The following GRIK2 variants were observed in gnomAD, a reference collection of about 807,000 sequenced individuals.
GRIK2 encodes the protein glutamate ionotropic receptor kainate type subunit 2.
A neutral mutation model predicts 100.3 loss-of-function variants in GRIK2; 32 were observed. The observed-to-expected ratio is 0.32, with a 90% CI of 0.24 to 0.43. GRIK2 has a LOEUF of 0.43. Among genes scored for constraint, GRIK2 ranks in the 20% least tolerant of loss-of-function variants. The pLI is 1.00. For synonymous variants in GRIK2, 417 were observed against 389.4 expected, an observed-to-expected ratio of 1.07 and a Z score of -0.83; for missense variants, 843 against 1,114.9, an observed-to-expected ratio of 0.76 and a Z score of 3.47.
chr6:102,067,895 G>A (rs1772096288), intron 16 of GRIK2, among the ~76,000 whole-genome samples: 1 of 151,784 alleles, frequency 6.6e-6, no homozygotes, highest in South Asian at 2.1e-4. Context: ...GTACAATGAA[G>A]AATCAATGTT....
chr6:101,447,067 A>G (rs916817765), intron 2 of GRIK2, among the ~76,000 whole-genome samples: 2 of 149,154 alleles, frequency 1.3e-5, no homozygotes, highest in African/African-American at 4.9e-5. Context: ...GTATATATAT[A>G]TTACAGTAGC....
intron 2 of GRIK2, among the ~76,000 whole-genome samples, chr6:101,612,378 C>T (rs964892875): frequency 1.7e-4 from 26 of 151,684 alleles, no homozygotes; most frequent in Admixed American, 1.2e-3. Context: ...AGACAGAAAA[C>T]GTGAGTCAAA....
chr6:101,969,654 G>A (rs1184582811), intron 14 of GRIK2, among the ~76,000 whole-genome samples: 1 of 151,954 alleles, frequency 6.6e-6, no homozygotes. Flanking sequence ...TGTCTTCATA[G>A]GATATACTTT....
intron 14 of GRIK2, among the ~76,000 whole-genome samples, chr6:102,011,081 G>C (rs1257316438): frequency 6.6e-6 from 1 of 152,108 alleles, no homozygotes; most frequent in Non-Finnish European, 1.5e-5. Context: ...TATATGAGAA[G>C]AGTAAGTTTG....
At chr6:101,558,669 C>CTTTTTTTTTTTTTT in intron 2 of GRIK2, among the ~76,000 whole-genome samples, 1 of 143,398 alleles carries the variant, frequency 7.0e-6, no homozygotes, top group Non-Finnish European at 1.5e-5. Context: ...CCCTTTGCTT[C>CTTTTTTTTTTTTTT]TTTTTTTTTT....
intron 14 of GRIK2, among the ~76,000 whole-genome samples, chr6:101,950,587 A>T (rs1791549215): frequency 6.6e-6 from 1 of 152,148 alleles, no homozygotes; most frequent in South Asian, 2.1e-4. Flanking sequence ...CCACATTTTC[A>T]TGACAAATGA....
At chr6:102,014,639 G>T (rs1795736070) in intron 14 of GRIK2, among the ~76,000 whole-genome samples, 1 of 151,956 alleles carries the variant, frequency 6.6e-6, no homozygotes, top group Non-Finnish European at 1.5e-5. Context: ...TTATATCTTT[G>T]TTCTCATTCA....
At chr6:101,777,583 G>A (rs1778827136) in intron 7 of GRIK2, among the ~76,000 whole-genome samples, 1 of 152,106 alleles carries the variant, frequency 6.6e-6, no homozygotes, top group Admixed American at 6.6e-5. Flanking sequence ...GAGGAAACAA[G>A]GCAATAGGGA....
At chr6:101,407,635 G>T (rs1177422872) in intron 2 of GRIK2, among the ~76,000 whole-genome samples, 1 of 151,236 alleles carries the variant, frequency 6.6e-6, no homozygotes, top group Non-Finnish European at 1.5e-5. Context: ...TCAGCCTCTT[G>T]CATACCTGCT....
intron 14 of GRIK2, among the ~76,000 whole-genome samples, chr6:101,975,801 ATC>A (rs71547439): frequency 9.9e-6 from 1 of 101,046 alleles, no homozygotes; most frequent in African/African-American, 3.7e-5. Flanking sequence ...CTGTCTATCT[ATC>A]TATCTGTCTA....
At chr6:101,986,396 T>C (rs914603543) in intron 14 of GRIK2, among the ~76,000 whole-genome samples, 2 of 151,890 alleles carry the variant, frequency 1.3e-5, no homozygotes, top group African/African-American at 4.8e-5. Context: ...GTTAATGTGG[T>C]AGTGTGATTT....
chr6:102,041,040 G>A (rs753342226), intron 15 of GRIK2, among the ~76,000 whole-genome samples: 10 of 151,596 alleles, frequency 6.6e-5, no homozygotes, highest in Admixed American at 2.0e-4. Flanking sequence ...TGTTCAAGCT[G>A]TACATTCCTG....
intron 2 of GRIK2, among the ~76,000 whole-genome samples, chr6:101,567,873 T>C (rs1441520955): frequency 2.0e-5 from 3 of 152,002 alleles, no homozygotes. Context: ...TTATTTACCA[T>C]CATAAGATAA....
At chr6:101,744,547 T>TATATACACAC in intron 7 of GRIK2, 1 of 129,352 alleles carries the variant, frequency 7.7e-6, no homozygotes, top group African/African-American at 3.0e-5. Flanking sequence ...TATATATATA[T>TATATACACAC]ATATATATAT....
At chr6:101,419,223 C>G (rs1039705945) in intron 2 of GRIK2, among the ~76,000 whole-genome samples, 3 of 152,150 alleles carry the variant, frequency 2.0e-5, no homozygotes, top group Non-Finnish European at 4.4e-5. Flanking sequence ...GATGTAGGAC[C>G]TATTCCTCAC....
intron 7 of GRIK2, among the ~76,000 whole-genome samples, chr6:101,701,462 CAAAT>C (rs1772891784): frequency 6.6e-6 from 1 of 152,034 alleles, no homozygotes; most frequent in South Asian, 2.1e-4. Context: ...TGTTGTCTAT[CAAAT>C]AAACTTCTCA....
chr6:101,757,861 G>A (rs1777234109), intron 7 of GRIK2, among the ~76,000 whole-genome samples: 1 of 152,166 alleles, frequency 6.6e-6, no homozygotes, highest in Admixed American at 6.5e-5. Flanking sequence ...ACTTCAGTCT[G>A]TCCATTTTAG....
At chr6:102,043,938 T>G (rs1018731475) in intron 15 of GRIK2, among the ~76,000 whole-genome samples, 2 of 151,958 alleles carry the variant, frequency 1.3e-5, no homozygotes, top group Non-Finnish European at 2.9e-5. Flanking sequence ...ATGTAAAAAG[T>G]GCTTTTCACT....
intron 2 of GRIK2, among the ~76,000 whole-genome samples, chr6:101,419,284 C>T (rs1299762039): frequency 6.6e-6 from 1 of 152,194 alleles, no homozygotes; most frequent in Non-Finnish European, 1.5e-5. Flanking sequence ...CTACAACCAC[C>T]CTTATCTCAG....
Sources: gnomAD v4.1 joint callset for allele counts (sites outside exome capture counted in the v4.1 genomes callset) on GRCh38, gnomAD v4.1.1 for gene constraint, MANE v1.5 for transcripts, NCBI Gene and HGNC (gene_info 2026-07-23, HGNC 2026-07-21) for gene names.